BRD10: variants seen among roughly 807,000 people sequenced by gnomAD.
BRD10 encodes bromodomain containing 10.
the BRD10 span, among the ~76,000 whole-genome samples, chr9:5,957,107 G>A: frequency 6.6e-6 from 1 of 152,112 alleles, no homozygotes; most frequent in South Asian, 2.1e-4. Flanking sequence ...AGTAGTGGTA[G>A]TAAGAAGATT....
At chr9:5,895,961 A>C in the BRD10 span, among the ~76,000 whole-genome samples, 2 of 152,196 alleles carry the variant, frequency 1.3e-5, no homozygotes, top group Non-Finnish European at 2.9e-5. Flanking sequence ...ATGAGAGCAC[A>C]GGCATGTTGG....
the BRD10 span, chr9:5,906,758 G>T: frequency 1.8e-6 from 1 of 569,844 alleles, no homozygotes; most frequent in Admixed American, 3.6e-5. Context: ...GAGACTGAAG[G>T]CACACAGCAA....
chr9:5,958,460 G>C, the BRD10 span, among the ~76,000 whole-genome samples: 1 of 151,802 alleles, frequency 6.6e-6, no homozygotes, highest in Non-Finnish European at 1.5e-5. Context: ...CAGACCTCTG[G>C]GCTACTCATA....
At chr9:5,901,656 C>G in the BRD10 span, among the ~76,000 whole-genome samples, 1 of 152,192 alleles carries the variant, frequency 6.6e-6, no homozygotes, top group Non-Finnish European at 1.5e-5. Flanking sequence ...GTAGCTGGGA[C>G]CACAGGTGTA....
the BRD10 span, among the ~76,000 whole-genome samples, chr9:5,980,012 C>T: frequency 5.9e-5 from 5 of 84,842 alleles, no homozygotes; most frequent in Admixed American, 1.4e-4. Flanking sequence ...AAGACTCCAT[C>T]TCAAAAAAAA....
chr9:5,896,912 A>G, the BRD10 span, among the ~76,000 whole-genome samples: 1 of 152,346 alleles, frequency 6.6e-6, no homozygotes, highest in Admixed American at 6.5e-5. Context: ...TAGGGCTGCA[A>G]GGAGCAAAGC....
At chr9:5,941,885 A>G in the BRD10 span, among the ~76,000 whole-genome samples, 1 of 152,154 alleles carries the variant, frequency 6.6e-6, no homozygotes, top group Non-Finnish European at 1.5e-5. Context: ...TACTATCTGG[A>G]AAGTCCCTGC....
the BRD10 span, among the ~76,000 whole-genome samples, chr9:5,999,431 G>A: frequency 2.0e-5 from 3 of 151,862 alleles, no homozygotes; most frequent in African/African-American, 4.8e-5. Flanking sequence ...CTTTTAACTC[G>A]GAAGTCAAGA....
the BRD10 span, among the ~76,000 whole-genome samples, chr9:5,989,747 T>C: frequency 6.6e-6 from 1 of 152,092 alleles, no homozygotes; most frequent in Admixed American, 6.5e-5. Context: ...CAGGCTGGTC[T>C]TGAATGCCTG....
the BRD10 span, chr9:5,953,963 T>C: frequency 1.0e-6 from 1 of 1,004,372 alleles, no homozygotes; most frequent in Non-Finnish European, 1.5e-6. Context: ...AGGAATGATA[T>C]GAACACTGAA....
chr9:5,920,528 G>A, the BRD10 span: 225 of 1,613,958 alleles, frequency 1.4e-4, 1 homozygote, highest in East Asian at 1.7e-3. Context: ...AAAATTGGAC[G>A]TATTAGTTAT....
chr9:5,978,984 G>A, the BRD10 span, among the ~76,000 whole-genome samples: 2 of 152,142 alleles, frequency 1.3e-5, no homozygotes, highest in African/African-American at 4.8e-5. Context: ...TTACCAAAAT[G>A]TAAGAAAGCT....
the BRD10 span, chr9:5,922,248 T>C: frequency 2.7e-4 from 431 of 1,613,992 alleles, no homozygotes; most frequent in African/African-American, 5.1e-3. Context: ...TTGAAGGAAC[T>C]ACCAGGATTT....
the BRD10 span, among the ~76,000 whole-genome samples, chr9:5,893,010 G>A: frequency 6.6e-6 from 1 of 152,188 alleles, no homozygotes; most frequent in African/African-American, 2.4e-5. Context: ...GAGGAAGATG[G>A]AGGTCACAGC....
chr9:5,987,835 G>GT, the BRD10 span, among the ~76,000 whole-genome samples: 1 of 152,138 alleles, frequency 6.6e-6, no homozygotes, highest in Non-Finnish European at 1.5e-5. Flanking sequence ...AAATTGAAAA[G>GT]TTATATAAAT....
chr9:5,913,338 A>C, the BRD10 span, among the ~76,000 whole-genome samples: 1 of 152,200 alleles, frequency 6.6e-6, no homozygotes, highest in Admixed American at 6.5e-5. Flanking sequence ...GGAGTCTCTA[A>C]ACTTTCATTT....
At chr9:5,884,852 C>T in the BRD10 span, among the ~76,000 whole-genome samples, 1 of 152,236 alleles carries the variant, frequency 6.6e-6, no homozygotes, top group Non-Finnish European at 1.5e-5. Flanking sequence ...CTCTTCTCTG[C>T]TCACCTGCGA....
At chr9:5,967,343 G>T in the BRD10 span, among the ~76,000 whole-genome samples, 1 of 152,144 alleles carries the variant, frequency 6.6e-6, no homozygotes, top group Non-Finnish European at 1.5e-5. Flanking sequence ...TTCAAAAGCA[G>T]AGCAATCGGC....
At chr9:5,933,964 T>C in the BRD10 span, 1 of 404,306 alleles carries the variant, frequency 2.5e-6, no homozygotes, top group East Asian at 7.1e-5. Flanking sequence ...CACTTTAATT[T>C]AGATACTTTG....
Sources: allele counts gnomAD v4.1 joint callset (sites outside exome capture counted in the v4.1 genomes callset), GRCh38; gene constraint gnomAD v4.1.1; transcripts MANE v1.5; gene names NCBI Gene and HGNC (gene_info 2026-07-23, HGNC 2026-07-21).